GBE1: variants seen among roughly 807,000 people sequenced by gnomAD.
The protein encoded by GBE1 is 1,4-alpha-glucan branching enzyme 1, also known as 1,4-alpha-glucan-branching enzyme.
Under a neutral mutation model 88.8 loss-of-function variants are expected in GBE1, and 70 were observed. The observed-to-expected ratio is 0.79, with a 90% CI of 0.65 to 0.96. The LOEUF (loss-of-function observed/expected upper bound fraction) is 0.96. GBE1 is among the 40% of genes least tolerant of loss of function. GBE1 has a pLI of 0.00. For missense variants in GBE1, 872 were observed against 871.0 expected, an observed-to-expected ratio of 1.00 and a Z score of -0.01; for synonymous variants, 284 against 300.1, an observed-to-expected ratio of 0.95 and a Z score of 0.56.
chr3:81,708,370 AAG>A (rs1464948139), intron 1 of GBE1, among the ~76,000 whole-genome samples: 3 of 152,090 alleles, frequency 2.0e-5, no homozygotes, highest in Non-Finnish European at 2.9e-5. Flanking sequence ...TTTTAAAAAT[AAG>A]TAAGTCCAAG....
intron 1 of GBE1, among the ~76,000 whole-genome samples, chr3:81,750,675 GTATATATATA>G (rs1187869776): frequency 1.8e-5 from 1 of 55,046 alleles, no homozygotes; most frequent in Non-Finnish European, 2.9e-5. Flanking sequence ...ATATATATAC[GTATATATATA>G]TATATATATG....
intron 7 of GBE1, among the ~76,000 whole-genome samples, chr3:81,618,659 G>A (rs187473813): frequency 2.0e-5 from 3 of 152,034 alleles, no homozygotes; most frequent in African/African-American, 4.8e-5. Flanking sequence ...TTTCTCTCAC[G>A]GTTCAGAAAT....
chr3:81,750,841 C>T (rs1253037067), intron 1 of GBE1, among the ~76,000 whole-genome samples: 9 of 149,920 alleles, frequency 6.0e-5, no homozygotes, highest in Admixed American at 1.3e-4. Flanking sequence ...CCACCACGCC[C>T]GGCTAATTTT....
At chr3:81,743,432 GAA>G in intron 1 of GBE1, 1 of 657,608 alleles carries the variant, frequency 1.5e-6, no homozygotes, top group Non-Finnish European at 2.7e-6. Flanking sequence ...ACACAATCAT[GAA>G]CACACATACA....
At chr3:81,697,358 G>A (rs1271286855) in intron 2 of GBE1, among the ~76,000 whole-genome samples, 1 of 151,604 alleles carries the variant, frequency 6.6e-6, no homozygotes, top group African/African-American at 2.4e-5. Context: ...GGAGTGCAGG[G>A]GTGTGATCTC....
chr3:81,499,856 G>T (rs1702563126), intron 14 of GBE1, among the ~76,000 whole-genome samples: 1 of 152,086 alleles, frequency 6.6e-6, no homozygotes, highest in Non-Finnish European at 1.5e-5. Context: ...CTATCATTAT[G>T]TTCAAATTTA....
chr3:81,666,558 T>C (rs114682195), intron 3 of GBE1, among the ~76,000 whole-genome samples: 1 of 152,336 alleles, frequency 6.6e-6, no homozygotes, highest in Non-Finnish European at 1.5e-5. Context: ...TTTAACTTTT[T>C]ATTAATGTAA....
chr3:81,600,265 CAAAT>C (rs71277596), intron 7 of GBE1, among the ~76,000 whole-genome samples: 7 of 151,356 alleles, frequency 4.6e-5, no homozygotes, highest in East Asian at 2.0e-4. Flanking sequence ...GTCTCAAAAA[CAAAT>C]AAATAAATAA....
chr3:81,691,021 C>G (rs573748243), intron 2 of GBE1, among the ~76,000 whole-genome samples: 1 of 151,742 alleles, frequency 6.6e-6, no homozygotes, highest in Admixed American at 6.6e-5. Flanking sequence ...CTGTGGAGCA[C>G]TGTACACAGG....
intron 7 of GBE1, among the ~76,000 whole-genome samples, chr3:81,597,909 C>T (rs771007563): frequency 4.6e-5 from 7 of 151,848 alleles, no homozygotes; most frequent in Non-Finnish European, 8.8e-5. Flanking sequence ...TTTTGTCACA[C>T]ACAGATAATT....
rs149894390 is a variant in GBE1, at chr3:81,650,199, C to T, written c.430-278G>A. The T allele has an allele frequency of 4.6e-3, 1,107 of 240,864 alleles. 6 individuals carry two copies. The highest frequency in any genetic ancestry group is 6.6e-3 in the Non-Finnish European group (819 of 124,428). 14.9% of individuals were successfully genotyped at this position (240,864 alleles called of 1,614,324 possible). On this transcript the variant is annotated intron_variant, in intron 3 of 15. Transcript: ENST00000429644. The stretch of plus-strand genomic sequence containing the variant: ...CCAGCCATAAGAGTGCTTACTTAAA[C>T]GAACAGTAGATACTAAAAAGACAAG...
In GBE1 at chr3:81,581,629, C is replaced by T. The variant is rs552784397; in HGVS notation, c.1336-354G>A. ...TATTGCACGGCATGTCTTCCTATAA[C>T]TTGTACATGGTAGAGATACACTTGT... is the stretch of plus-strand genomic sequence containing the variant. On this transcript the variant is annotated intron_variant, in intron 10 of 15. Coordinates refer to ENST00000429644, the MANE Select transcript of GBE1 (RefSeq NM_000158.4). Among the ~76,000 whole-genome samples the T allele has an allele frequency of 8.5e-5, 13 of 152,066 alleles. 1 individual carries two copies. In the South Asian group the frequency reaches 2.5e-3, roughly 29 times the overall value.
intron 3 of GBE1, among the ~76,000 whole-genome samples, chr3:81,660,939 T>C (rs573569920): frequency 6.6e-6 from 1 of 152,288 alleles, no homozygotes; most frequent in East Asian, 1.9e-4. Context: ...GTATACTTGG[T>C]CAAAGTGCAA....
chr3:81,561,780 C>T (rs182617046), intron 12 of GBE1, among the ~76,000 whole-genome samples: 35 of 152,174 alleles, frequency 2.3e-4, no homozygotes, highest in South Asian at 1.0e-3. Flanking sequence ...CTTCTAGGTT[C>T]AGCCTTCTCT....
chr3:81,692,447 G>C (rs1705535457), intron 2 of GBE1, among the ~76,000 whole-genome samples: 3 of 152,092 alleles, frequency 2.0e-5, no homozygotes, highest in Admixed American at 2.0e-4. Context: ...TACCCCATCA[G>C]GTGAAAACAT....
At chr3:81,609,813 A>G (rs1476099392) in intron 7 of GBE1, among the ~76,000 whole-genome samples, 1 of 152,170 alleles carries the variant, frequency 6.6e-6, no homozygotes, top group Non-Finnish European at 1.5e-5. Flanking sequence ...GCAGTATTAG[A>G]ACATTTTAGT....
intron 8 of GBE1, 69 bp downstream of exon 8, chr3:81,593,839 C>T: frequency 2.7e-6 from 2 of 735,696 alleles, no homozygotes; most frequent in Non-Finnish European, 2.3e-6. Flanking sequence ...TAATAAAAAC[C>T]AAGACACCAG....
At chr3:81,586,015 C>A in intron 10 of GBE1, 77 bp downstream of exon 10, 1 of 812,364 alleles carries the variant, frequency 1.2e-6, no homozygotes, top group Non-Finnish European at 2.0e-6. Context: ...CTAATGATTA[C>A]AACTAAGAAA....
rs558161953 is a variant in GBE1, at chr3:81,699,701, C to G, written c.313+5743G>C. 2.0e-5 allele frequency among the ~76,000 whole-genome samples: 3 copies of G among 152,248 alleles called. No homozygotes were observed. In the South Asian group the frequency reaches 6.2e-4, roughly 32 times the overall value. On this transcript the variant is annotated intron_variant, in intron 2 of 15. Transcript: ENST00000429644. ...TCAAATTGTTCTCCTGCTTTATATT[C>G]ACTGGCAGCTGATTATATTGCGCCC... is the stretch of plus-strand genomic sequence containing the variant.
Sources: allele counts gnomAD v4.1 joint callset (sites outside exome capture counted in the v4.1 genomes callset), GRCh38; gene constraint gnomAD v4.1.1; transcripts MANE v1.5; gene names NCBI Gene and HGNC (gene_info 2026-07-23, HGNC 2026-07-21).